MYOC: variants seen among roughly 807,000 people sequenced by gnomAD.
MYOC encodes juvenile-onset open-angle glaucoma 1.
MYOC carries 29 observed loss-of-function variants against 28.2 expected under a neutral mutation model. The ratio of observed to expected loss-of-function variants is 1.03; its 90% confidence interval spans 0.77 to 1.40. The LOEUF (loss-of-function observed/expected upper bound fraction) is 1.40. MYOC is among the 40% of genes most tolerant of loss of function. The pLI is 0.00. For missense variants in MYOC, 569 were observed against 620.6 expected, an observed-to-expected ratio of 0.92 and a Z score of 0.88; for synonymous variants, 240 against 245.6, an observed-to-expected ratio of 0.98 and a Z score of 0.21.
chr1:171,651,957 A>T, intron 1 of MYOC, 51 bp downstream of exon 1: 1 of 1,613,454 alleles, frequency 6.2e-7, no homozygotes. Flanking sequence ...GCAGGTCACT[A>T]CGAGCCATAT....
intron 2 of MYOC, 121 bp downstream of exon 2, chr1:171,638,476 C>G: frequency 8.7e-7 from 1 of 1,145,018 alleles, no homozygotes. Flanking sequence ...CCTCCCTCTG[C>G]TCCCAGGGAA....
rs1373074459 is a variant in MYOC, at chr1:171,636,517, A to G, written c.923T>C (p.Met308Thr). 6.2e-7 allele frequency: 1 copy of G among 1,610,476 alleles called. No homozygotes were observed. Among genetic ancestry groups the G allele is most frequent in the South Asian group, 1.1e-5 (1 of 90,854 alleles). ...VFEYDLISQF[M>T]QGYPSKVHIL... Reference sequence around the variant, plus strand: ...GTGAACCTTAGAAGGGTAGCCCTGCATAAACTGGCTGATGAGGTCATACTC... The same window carrying G: ...GTGAACCTTAGAAGGGTAGCCCTGCGTAAACTGGCTGATGAGGTCATACTC... Residue 308 changes from methionine (M) to threonine (T), a missense_variant, in exon 3 of 3, where the codon ATG becomes ACG. Met to Thr is a moderately conservative substitution (Grantham distance 81, BLOSUM62 -1). Transcript: ENST00000037502.
chr1:171,645,949 A>G (rs1205066662), intron 1 of MYOC, among the ~76,000 whole-genome samples: 1 of 152,238 alleles, frequency 6.6e-6, no homozygotes, highest in Non-Finnish European at 1.5e-5. Context: ...ATAAACATGA[A>G]CTGCAATAAA....
Position 171,652,262 on chromosome 1 carries a change from AG to A in MYOC, c.349del (p.Leu117CysfsTer8). On this transcript the variant is annotated frameshift_variant, in exon 1 of 3. Transcript: ENST00000037502. LOFTEE classifies it high-confidence loss of function. ...CCTCAGGGTGCCCAGCTCCCTCTGC[AG>A]CCCCTCCTGGGTCTCCTGGGGCCTG... Reference protein sequence around the residue: ...AARPQETQEGLQRELGTLRRE... With the variant: ...AARPQETQEGXQRELGTLRRE... 6.2e-7 allele frequency: 1 copy of A among 1,614,014 alleles called. No homozygotes were observed. Among genetic ancestry groups the A allele is most frequent in the African/African-American group, 1.3e-5 (1 of 75,018 alleles).
At chr1:171,639,264 G>A (rs904086020) in intron 1 of MYOC, among the ~76,000 whole-genome samples, 2 of 152,160 alleles carry the variant, frequency 1.3e-5, no homozygotes, top group African/African-American at 4.8e-5. Context: ...GTTCATTGTA[G>A]TCTCTCTACT....
At chr1:171,638,760 A>G (rs1652994132) in intron 1 of MYOC, 38 bp from the exon 2 acceptor site, 2 of 1,611,512 alleles carry the variant, frequency 1.2e-6, no homozygotes, top group East Asian at 2.2e-5. Flanking sequence ...TACTGTAAGA[A>G]AAAATGGCCC....
At chr1:171,646,206 T>C (rs10913388) in intron 1 of MYOC, among the ~76,000 whole-genome samples, 14,478 of 152,194 alleles carry the variant, frequency 0.095, 703 homozygotes, top group East Asian at 0.21. Flanking sequence ...AAGTCATAGC[T>C]CCTAGTTCAG....
At chr1:171,643,216 G>C (rs1462301714) in intron 1 of MYOC, among the ~76,000 whole-genome samples, 1 of 152,208 alleles carries the variant, frequency 6.6e-6, no homozygotes, top group African/African-American at 2.4e-5. Context: ...ACCAGTACCA[G>C]CTGCTTCCCT....
At position 171,635,845 on chromosome 1, in the gene MYOC, G is replaced by A. The variant is rs1652904537; in HGVS notation, c.*80C>T. On this transcript the variant is annotated 3_prime_UTR_variant, in exon 3 of 3. Transcript: ENST00000037502. ...GTCAAAGCTGCCTGGGCCCTGGCTG[G>A]CTGGCTCTCCCTTCAGCCTGCTCCC... is the stretch of plus-strand genomic sequence containing the variant. 1.3e-6 allele frequency: 2 copies of A among 1,505,352 alleles called. No homozygotes were observed. The highest frequency in any genetic ancestry group is 1.8e-5 in the Admixed American group (1 of 54,824). 93.2% of individuals were successfully genotyped at this position (1,505,352 alleles called of 1,614,324 possible). A position where few individuals can be genotyped will look rare whatever the true frequency, so the allele number is the denominator to read the frequency against.
chr1:171,641,013 C>T (rs183348088), intron 1 of MYOC, among the ~76,000 whole-genome samples: 23 of 152,118 alleles, frequency 1.5e-4, no homozygotes, highest in Middle Eastern at 3.4e-3. Flanking sequence ...CCATAGAAGG[C>T]GCAACACCAA....
intron 1 of MYOC, among the ~76,000 whole-genome samples, chr1:171,649,199 T>C (rs548381522): frequency 6.6e-6 from 1 of 152,304 alleles, no homozygotes; most frequent in African/African-American, 2.4e-5. Context: ...CAACTATTAA[T>C]ACATGATCAA....
intron 1 of MYOC, among the ~76,000 whole-genome samples, chr1:171,645,194 T>G (rs561869431): frequency 3.2e-4 from 48 of 152,094 alleles, no homozygotes; most frequent in African/African-American, 1.1e-3. Flanking sequence ...TTTGTTGGAG[T>G]CCTACCCCAG....
At position 171,636,104 on chromosome 1, in the gene MYOC, C is replaced by T; in HGVS notation, c.1336G>A (p.Asp446Asn). ...LYTVSSYTSA[D>N]ATVNFAYDTG... Reference sequence around the variant, plus strand: ...TCATAAGCAAAGTTGACGGTAGCATCTGCTGAGGTGTAGCTGCTGACGGTG... The same window carrying T: ...TCATAAGCAAAGTTGACGGTAGCATTTGCTGAGGTGTAGCTGCTGACGGTG... Residue 446 changes from aspartate to asparagine, a missense_variant, in exon 3 of 3, where the codon GAT (aspartate) becomes AAT (asparagine). Asp to Asn is a conservative substitution (Grantham distance 23). Coordinates refer to ENST00000037502, the MANE Select transcript of MYOC (RefSeq NM_000261.2). 1 of 1,614,196 alleles carries T rather than the reference C, an allele frequency of 6.2e-7. No homozygotes were observed. Among genetic ancestry groups the T allele is most frequent in the Non-Finnish European group, 8.5e-7 (1 of 1,180,030 alleles).
chr1:171,644,603 CAAG>C (rs1385610172), intron 1 of MYOC, among the ~76,000 whole-genome samples: 4 of 128,534 alleles, frequency 3.1e-5, no homozygotes, highest in Non-Finnish European at 3.3e-5. Context: ...TTTTGTGAAA[CAAG>C]ATGGTTTGTC....
At chr1:171,638,891 C>T (rs603028) in intron 1 of MYOC, 169 bp from the exon 2 acceptor site, 18 of 604,022 alleles carry the variant, frequency 3.0e-5, no homozygotes, top group Non-Finnish European at 3.8e-5. Flanking sequence ...GTCAGGAGTT[C>T]GAGACCAGCC....
rs1036807734 is a variant in MYOC, at chr1:171,652,019, C to G, written c.593G>C (p.Gly198Ala). 1.2e-6 allele frequency: 2 copies of G among 1,614,114 alleles called. No homozygotes were observed. Among genetic ancestry groups the G allele is most frequent in the Non-Finnish European group, 1.7e-6 (2 of 1,180,044 alleles). Reference protein sequence around the residue: ...TRDTARAVPPGSREVSTWNLD... With the variant: ...TRDTARAVPPASREVSTWNLD... ...CTCTGCATTCTTACCTTCTCTGGAG[C>G]CTGGTGGCACAGCCCGAGCAGTGTC... is the stretch of plus-strand genomic sequence containing the variant. Residue 198 changes from glycine (G) to alanine (A), a missense_variant, in exon 1 of 3, where the codon GGC becomes GCC. Physicochemically the swap from Gly to Ala is moderately conservative, Grantham distance 60. Coordinates refer to ENST00000037502, the MANE Select transcript of MYOC (RefSeq NM_000261.2).
chr1:171,642,565 G>T (rs776230215), intron 1 of MYOC, among the ~76,000 whole-genome samples: 8 of 150,990 alleles, frequency 5.3e-5, no homozygotes, highest in Non-Finnish European at 1.0e-4. Flanking sequence ...AGTGAGCCAT[G>T]ATCATGCCAC....
intron 1 of MYOC, among the ~76,000 whole-genome samples, chr1:171,641,857 C>T (rs1245054959): frequency 6.6e-6 from 1 of 152,156 alleles, no homozygotes. Context: ...ACATGTTCTG[C>T]CTTTGATCAT....
At chr1:171,650,316 A>G (rs111557649) in intron 1 of MYOC, among the ~76,000 whole-genome samples, 2 of 152,192 alleles carry the variant, frequency 1.3e-5, no homozygotes, top group African/African-American at 2.4e-5. Flanking sequence ...GGTAATGATG[A>G]TTCTTTCAAT....
Sources: allele counts gnomAD v4.1 joint callset (sites outside exome capture counted in the v4.1 genomes callset), GRCh38; gene constraint gnomAD v4.1.1; transcripts MANE v1.5; gene names NCBI Gene and HGNC (gene_info 2026-07-23, HGNC 2026-07-21).